APOOL: variants seen among roughly 807,000 people sequenced by gnomAD.
The protein encoded by APOOL is apolipoprotein O like, also known as MICOS complex subunit MIC27.
A neutral mutation model predicts 23.1 loss-of-function variants in APOOL; 12 were observed. The ratio of observed to expected loss-of-function variants is 0.52; its 90% CI spans 0.33 to 0.84. The LOEUF is 0.84. APOOL is among the 40% of genes least tolerant of loss of function. The probability of loss-of-function intolerance (pLI) is 0.02; values close to 1 mark genes in which losing one functional copy is unlikely to be tolerated. For missense variants in APOOL, 212 were observed against 199.6 expected, an observed-to-expected ratio of 1.06 and a Z score of -0.37; for synonymous variants, 77 against 69.9, an observed-to-expected ratio of 1.10 and a Z score of -0.51.
rs1049904954 is a variant in APOOL at position 85,088,995 on chromosome X, A to G, written c.*1317A>G. On this transcript the variant is annotated 3_prime_UTR_variant, in exon 9 of 9. Transcript: ENST00000373173. ...GAACTATTTTTTCTCTCTCCTTCCTATAATTGTTATACTTCTTTAAAAAGT... is the reference window on the plus strand; with the variant it reads ...GAACTATTTTTTCTCTCTCCTTCCTGTAATTGTTATACTTCTTTAAAAAGT... The G allele has an allele frequency of 2.7e-5, 3 of 111,581 alleles. No individual in the cohort carries two copies. The highest frequency in any genetic ancestry group is 9.8e-5 in the African/African-American group (3 of 30,664). 9.2% of individuals were successfully genotyped at this position (111,581 alleles called of 1,213,427 possible).
chrX:85,034,828 T>C (rs1325762976), intron 1 of APOOL, among the ~76,000 whole-genome samples: 1 of 112,397 alleles, frequency 8.9e-6, no homozygotes, highest in Non-Finnish European at 1.9e-5. Flanking sequence ...TTCCATGGTG[T>C]ATATGTATCT....
chrX:85,067,430 AG>A (rs1388281872), intron 6 of APOOL, among the ~76,000 whole-genome samples: 1 of 111,501 alleles, frequency 9.0e-6, no homozygotes, highest in Non-Finnish European at 1.9e-5. Context: ...AACAATGTAA[AG>A]GCAGATTTGA....
intron 8 of APOOL, among the ~76,000 whole-genome samples, chrX:85,079,610 G>A (rs1333237236): frequency 8.9e-6 from 1 of 111,786 alleles, no homozygotes; most frequent in Non-Finnish European, 1.9e-5. Flanking sequence ...CTCAGAAAAT[G>A]AGTTAGTGAG....
intron 3 of APOOL, among the ~76,000 whole-genome samples, chrX:85,051,754 C>T (rs1922789076): frequency 8.9e-6 from 1 of 111,790 alleles, no homozygotes; most frequent in African/African-American, 3.3e-5. Flanking sequence ...CTAGACAGTC[C>T]AAGACAGCTT....
chrX:85,050,963 A>G lies in APOOL; in HGVS notation c.121-426A>G, dbSNP rs754257567. Among the ~76,000 whole-genome samples the G allele has an allele frequency of 8.0e-4, 88 of 110,297 alleles. 1 individual carries two copies. Among genetic ancestry groups the G allele is most frequent in the African/African-American group, 2.8e-3 (84 of 30,365 alleles). ...ACCTTATATTCCTGAAATTCATCCA[A>G]ATTTTTCCATGTTGCTGTAATTTTT... On this transcript the variant is annotated intron_variant, in intron 2 of 8. Coordinates refer to ENST00000373173, the MANE Select transcript of APOOL (RefSeq NM_198450.6).
rs1924581383 is a variant in APOOL, at chrX:85,093,181, A to C, written c.*5503A>C. On this transcript the variant is annotated 3_prime_UTR_variant, in exon 9 of 9. Coordinates refer to ENST00000373173, the MANE Select transcript of APOOL (RefSeq NM_198450.6). ...AGAATATCAATACTAATTGTAATAC[A>C]TACCTGACTTAGCCTCTTCAGCATT... The C allele has an allele frequency of 1.7e-6, 2 of 1,161,452 alleles. No individual in the cohort carries two copies. The highest frequency in any genetic ancestry group is 2.3e-6 in the Non-Finnish European group (2 of 867,774).
chrX:85,069,654 A>G (rs766414834), intron 6 of APOOL, among the ~76,000 whole-genome samples: 13 of 94,975 alleles, frequency 1.4e-4, no homozygotes, highest in African/African-American at 5.0e-4. Flanking sequence ...CTTTTTCTCT[A>G]TTTTGAAGTA....
chrX:85,042,920 A>T (rs1922446997), intron 1 of APOOL, among the ~76,000 whole-genome samples: 1 of 112,220 alleles, frequency 8.9e-6, no homozygotes, highest in Non-Finnish European at 1.9e-5. Flanking sequence ...AAAACTTGCT[A>T]TCACAGGAAG....
chrX:85,027,144 A>G (rs1461023828), intron 1 of APOOL, among the ~76,000 whole-genome samples: 1 of 111,825 alleles, frequency 8.9e-6, no homozygotes, highest in African/African-American at 3.3e-5. Context: ...GCTTCGAATT[A>G]TGGTGGAAAG....
chrX:85,013,090 C>G (rs1602738504), intron 1 of APOOL, among the ~76,000 whole-genome samples: 1 of 111,703 alleles, frequency 9.0e-6, no homozygotes, highest in Admixed American at 9.5e-5. Flanking sequence ...GGGAATGTAT[C>G]CATCTATGCT....
intron 1 of APOOL, among the ~76,000 whole-genome samples, chrX:85,014,461 T>C (rs965698129): frequency 6.3e-5 from 7 of 110,940 alleles, no homozygotes; most frequent in Admixed American, 9.6e-5. Context: ...TTTGAGGTTT[T>C]CTTTCAAGAT....
intron 5 of APOOL, among the ~76,000 whole-genome samples, chrX:85,061,365 G>A (rs921823947): frequency 3.6e-5 from 4 of 111,386 alleles, no homozygotes; most frequent in African/African-American, 6.5e-5. Context: ...GTCTCTGCCC[G>A]GCTTTGGTAT....
rs1331170941 is a variant in APOOL at position 85,054,324 on chromosome X, C to T, written c.241-20C>T. On this transcript the variant is annotated intron_variant, in intron 3 of 8. Coordinates refer to ENST00000373173, the MANE Select transcript of APOOL (RefSeq NM_198450.6). The stretch of plus-strand genomic sequence containing the variant: ...AGCTTCAAAAATGCAGATGTCTTCC[C>T]CCCCTTTTTTTTTGCTTAGGGTGTT... The T allele has an allele frequency of 3.4e-6, 4 of 1,170,767 alleles. No individual in the cohort carries two copies. The highest frequency in any genetic ancestry group is 4.6e-6 in the Non-Finnish European group (4 of 875,285).
chrX:85,046,116 A>T (rs752664305), intron 1 of APOOL, among the ~76,000 whole-genome samples: 24 of 111,557 alleles, frequency 2.2e-4, no homozygotes, highest in African/African-American at 7.5e-4. Flanking sequence ...GACTGAATGA[A>T]TATCAAGACC....
At chrX:85,080,123 C>T (rs1457668233) in intron 8 of APOOL, among the ~76,000 whole-genome samples, 1 of 110,862 alleles carries the variant, frequency 9.0e-6, no homozygotes, top group African/African-American at 3.3e-5. Flanking sequence ...TATTTCTTGC[C>T]TTCTGCTAGC....
At chrX:85,038,429 C>T (rs945158019) in intron 1 of APOOL, among the ~76,000 whole-genome samples, 3 of 109,491 alleles carry the variant, frequency 2.7e-5, no homozygotes, top group Admixed American at 9.8e-5. Flanking sequence ...GGGAGGAGTC[C>T]CTCCTCCTCA....
intron 1 of APOOL, among the ~76,000 whole-genome samples, chrX:85,038,322 C>T (rs1376876758): frequency 1.8e-5 from 2 of 110,221 alleles, no homozygotes; most frequent in Admixed American, 1.9e-4. Context: ...ATTTTTACAT[C>T]TATGTTTATC....
intron 5 of APOOL, among the ~76,000 whole-genome samples, chrX:85,065,708 T>C (rs2147657045): frequency 9.0e-6 from 1 of 110,988 alleles, no homozygotes; most frequent in Non-Finnish European, 1.9e-5. Context: ...ATCTTTAAAA[T>C]GACACATAAG....
chrX:85,036,851 C>G (rs192970629), intron 1 of APOOL, among the ~76,000 whole-genome samples: 40 of 110,697 alleles, frequency 3.6e-4, no homozygotes, highest in Admixed American at 2.4e-3. Flanking sequence ...TTGCATCCCT[C>G]TCATCCTTCC....
Sources: allele counts gnomAD v4.1 joint callset (sites outside exome capture counted in the v4.1 genomes callset), GRCh38; gene constraint gnomAD v4.1.1; transcripts MANE v1.5; gene names NCBI Gene and HGNC (gene_info 2026-07-23, HGNC 2026-07-21).